The following DNAH5 variants were observed in gnomAD, a reference collection of about 807,000 sequenced individuals.
The protein encoded by DNAH5 is dynein axonemal heavy chain 5.
Under a neutral mutation model 518.2 loss-of-function variants are expected in DNAH5, and 372 were observed. The ratio of observed to expected loss-of-function variants is 0.72; its 90% CI spans 0.66 to 0.78. The LOEUF (loss-of-function observed/expected upper bound fraction) is 0.78. Among genes scored for constraint, DNAH5 ranks in the 30% least tolerant of loss-of-function variants. DNAH5 has a pLI of 0.00. For synonymous variants in DNAH5, 2,039 were observed against 2,025.9 expected, an observed-to-expected ratio of 1.01 and a Z score of -0.17; for missense variants, 5,523 against 5,687.0, an observed-to-expected ratio of 0.97 and a Z score of 0.93.
intron 70 of DNAH5, among the ~76,000 whole-genome samples, chr5:13,722,761 C>G (rs1745223964): frequency 6.6e-6 from 1 of 152,234 alleles, no homozygotes. Context: ...TACTGTGGAT[C>G]TCTTCTCCTT....
upstream of DNAH5, among the ~76,000 whole-genome samples, chr5:13,948,983 G>A (rs370929432): frequency 8.6e-4 from 131 of 152,260 alleles, 1 homozygote; most frequent in African/African-American, 2.9e-3. Context: ...AATCCTGGTT[G>A]AGGAAGGAAT....
intron 78 of DNAH5, among the ~76,000 whole-genome samples, chr5:13,698,170 T>TCATG (rs1173453836): frequency 6.6e-6 from 1 of 152,190 alleles, no homozygotes; most frequent in East Asian, 1.9e-4. Flanking sequence ...GATGGTGGCA[T>TCATG]CATGCCCTTG....
At chr5:13,827,907 C>A (rs925895564) in intron 38 of DNAH5, among the ~76,000 whole-genome samples, 2 of 152,170 alleles carry the variant, frequency 1.3e-5, no homozygotes, top group Non-Finnish European at 2.9e-5. Context: ...CTTCTCCTTC[C>A]TGCCACCATG....
intron 63 of DNAH5, among the ~76,000 whole-genome samples, chr5:13,752,999 C>A (rs1399298396): frequency 7.2e-5 from 11 of 152,192 alleles, no homozygotes; most frequent in Non-Finnish European, 1.6e-4. Flanking sequence ...TGGACCCTGA[C>A]AGAATAGCCT....
intron 24 of DNAH5, among the ~76,000 whole-genome samples, chr5:13,868,696 T>C (rs1769642453): frequency 6.6e-6 from 1 of 152,222 alleles, no homozygotes; most frequent in Admixed American, 6.5e-5. Flanking sequence ...GCCCAGTGCC[T>C]TTCTCTCTCT....
chr5:13,792,338 A>G, intron 49 of DNAH5, 121 bp from the exon 50 acceptor site: 1 of 760,108 alleles, frequency 1.3e-6, no homozygotes, highest in Non-Finnish European at 2.2e-6. Context: ...ATAATCACAT[A>G]TAAAAGAAAA....
chr5:13,991,929 C>T lies in DNAH5; in HGVS notation c.12+19719G>A, dbSNP rs73750066. Among the ~76,000 whole-genome samples, 840 of 152,244 alleles carry T rather than the reference C, an allele frequency of 5.5e-3. 9 individuals are homozygous for T. Among genetic ancestry groups the T allele is most frequent in the African/African-American group, 0.019 (803 of 41,542 alleles). On this transcript the variant is annotated intron_variant, in intron 1 of 78. Coordinates refer to the DNAH5 transcript ENST00000681290. Reference sequence around the variant, plus strand: ...AAATTCTGTAAAGAACTTTGAGTGTCATCTCTAACAAGCATGAAGCAAATC... The same window carrying T: ...AAATTCTGTAAAGAACTTTGAGTGTTATCTCTAACAAGCATGAAGCAAATC...
rs547434363 is a variant in DNAH5 at position 13,988,956 on chromosome 5, T to C, written c.12+22692A>G. 1.1e-3 allele frequency among the ~76,000 whole-genome samples: 170 copies of C among 152,170 alleles called. 1 individual carries two copies. Among genetic ancestry groups the C allele is most frequent in the African/African-American group, 3.9e-3 (163 of 41,522 alleles). On this transcript the variant is annotated intron_variant, in intron 1 of 78. Transcript: ENST00000681290. ...TTGGCCAGGCCTGGTCTCAAACTCC[T>C]GACCTTGTGATTCGCCCACCTCGAC... is the stretch of plus-strand genomic sequence containing the variant.
intron 1 of DNAH5, among the ~76,000 whole-genome samples, chr5:14,009,412 G>A (rs532386336): frequency 1.3e-5 from 2 of 152,304 alleles, no homozygotes; most frequent in East Asian, 1.9e-4. Flanking sequence ...GCCTTCCTGC[G>A]AGAATTGAAC....
intron 67 of DNAH5, 111 bp downstream of exon 67, chr5:13,735,707 T>TA: frequency 1.1e-6 from 1 of 940,516 alleles, no homozygotes; most frequent in Non-Finnish European, 1.7e-6. Flanking sequence ...ATCTGAGATT[T>TA]AAAAAAGAAA....
chr5:13,754,238 CT>C lies in DNAH5; in HGVS notation c.10519del (p.Ser3507AlafsTer12). 1 of 1,614,038 alleles carries C rather than the reference CT, an allele frequency of 6.2e-7. No homozygotes were observed. On this transcript the variant is annotated frameshift_variant, in exon 62 of 79. Coordinates refer to ENST00000265104, the MANE Select transcript of DNAH5 (RefSeq NM_001369.3). LOFTEE classifies it high-confidence loss of function. Reference sequence around the variant, plus strand: ...TTTAGTTTGTGCAGCAAACTCTTGGCTTTGCTCTGTCCATCTTTCTTTTTCA... The same window carrying C: ...TTTAGTTTGTGCAGCAAACTCTTGGCTTGCTCTGTCCATCTTTCTTTTTCA... ...AGEKERWTEQ[S>X]QEFAAQTKRL...
intron 1 of DNAH5, among the ~76,000 whole-genome samples, chr5:13,985,493 A>T (rs1581113686): frequency 6.8e-6 from 1 of 147,736 alleles, no homozygotes; most frequent in East Asian, 1.9e-4. Context: ...TCCTCCCAAG[A>T]GCTTCCAGAA....
Position 13,975,651 on chromosome 5 carries a change from C to T in DNAH5, c.12+35997G>A, listed in dbSNP as rs146200147. 4.6e-5 allele frequency among the ~76,000 whole-genome samples: 7 copies of T among 152,252 alleles called. No homozygotes were observed. The East Asian group carries it at 1.4e-3, about 29-fold the overall frequency. On this transcript the variant is annotated intron_variant, in intron 1 of 78. Transcript: ENST00000681290. ...CCAGTACATATCTGATGAATTTCAG[C>T]CTTATATAAAATTCTGTTTTGCAGT...
In DNAH5 at chr5:13,777,199, T is replaced by A; in HGVS notation, c.9105+3A>T. 1 of 1,611,282 alleles carries A rather than the reference T, an allele frequency of 6.2e-7. No homozygotes were observed. Among genetic ancestry groups the A allele is most frequent in the Non-Finnish European group, 8.5e-7 (1 of 1,178,028 alleles). On this transcript the variant is annotated splice_donor_region_variant and intron_variant, in intron 54 of 78. Transcript: ENST00000265104. ...AACACATAAAGAATAAATGAGCTCC[T>A]ACCTCACCTGATGATAAAACATTGT...
intron 1 of DNAH5, among the ~76,000 whole-genome samples, chr5:13,953,152 C>T (rs1780544747): frequency 6.6e-6 from 1 of 152,046 alleles, no homozygotes; most frequent in South Asian, 2.1e-4. Context: ...TATAGAAACT[C>T]TGTACGGATC....
At chr5:13,895,515 G>A (rs1173565737) in intron 15 of DNAH5, among the ~76,000 whole-genome samples, 1 of 152,074 alleles carries the variant, frequency 6.6e-6, no homozygotes, top group Non-Finnish European at 1.5e-5. Flanking sequence ...TGCTCCTCTG[G>A]GGACCTCTTG....
rs1180433703 is a variant in DNAH5, at chr5:13,900,363, G to T, written c.2102C>A (p.Pro701Gln). The change falls in exon 15 of 79, where the codon CCA (proline) becomes CAA (glutamine). Residue 701 changes from proline (P) to glutamine (Q), a missense_variant. By Grantham distance (76) the Pro-to-Gln change is moderately conservative. Around this residue, in one of 3 missense-constraint regions of DNAH5, gnomAD observed 5,121 missense variants for 5,223.3 expected, o/e 0.98. Coordinates refer to ENST00000265104, the MANE Select transcript of DNAH5 (RefSeq NM_001369.3). Reference protein sequence around the residue: ...GLEASLLVKAPGTGELFVNFD... With the variant: ...GLEASLLVKAQGTGELFVNFD... ...GTTTACAAACAATTCCCCTGTGCCT[G>T]GAGCCTTCACCAATAATGAAGCCTC... The T allele has an allele frequency of 3.1e-6, 5 of 1,614,080 alleles. No homozygotes were observed. The highest frequency in any genetic ancestry group is 4.2e-6 in the Non-Finnish European group (5 of 1,179,998).
Position 13,825,477 on chromosome 5 carries a change from C to T in DNAH5, c.6445-1144G>A, listed in dbSNP as rs149068213. Among the ~76,000 whole-genome samples, 928 of 152,116 alleles carry T rather than the reference C, an allele frequency of 6.1e-3. 5 individuals are homozygous for T. Among genetic ancestry groups the T allele is most frequent in the African/African-American group, 0.021 (871 of 41,504 alleles). On this transcript the variant is annotated intron_variant, in intron 38 of 78. Coordinates refer to ENST00000265104, the MANE Select transcript of DNAH5 (RefSeq NM_001369.3). ...AGCAACCCAAATGTCCATTGACAGA[C>T]GAATGGATAAACAAAATGTGGTATA...
chr5:13,770,870 C>G lies in DNAH5; in HGVS notation c.9484G>C (p.Asp3162His), dbSNP rs1234586757. 3 of 1,614,050 alleles carry G rather than the reference C, an allele frequency of 1.9e-6. No homozygotes were observed. Among genetic ancestry groups the G allele is most frequent in the Non-Finnish European group, 2.5e-6 (3 of 1,179,964 alleles). ...GAACGTCGGAATCTCTGAAAATAAT[C>G]AACACACTTCTCAGCCACCCCATCC... ...FQDGVAEKCV[D>H]YFQRFRRSTH... The change falls in exon 56 of 79, where the codon GAT becomes CAT. Residue 3162 changes from aspartate to histidine, a missense_variant. Coordinates refer to ENST00000265104, the MANE Select transcript of DNAH5 (RefSeq NM_001369.3).
Sources: gnomAD v4.1 joint callset for allele counts (sites outside exome capture counted in the v4.1 genomes callset) on GRCh38, gnomAD v4.1.1 for gene constraint, gnomAD v4.1.1 regional missense constraint, MANE v1.5 for transcripts, NCBI Gene and HGNC (gene_info 2026-07-23, HGNC 2026-07-21) for gene names.